Variants in FASTKD2 observed in about 807,000 individuals in gnomAD.
FASTKD2 encodes the protein FAST kinase domain-containing protein 2, mitochondrial.
Under a neutral mutation model 63.6 loss-of-function variants are expected in FASTKD2, and 51 were observed. The ratio of observed to expected loss-of-function variants is 0.80; its 90% confidence interval spans 0.64 to 1.01. The LOEUF (loss-of-function observed/expected upper bound fraction) is 1.01. FASTKD2 is among the 50% of genes least tolerant of loss of function. The probability of loss-of-function intolerance (pLI) is 0.00; values close to 1 mark genes in which losing one functional copy is unlikely to be tolerated. For missense variants in FASTKD2, 786 were observed against 831.1 expected, an observed-to-expected ratio of 0.95 and a Z score of 0.67; for synonymous variants, 284 against 293.4, an observed-to-expected ratio of 0.97 and a Z score of 0.33.
chr2:206,780,067 A>G (rs1309341066), intron 7 of FASTKD2, among the ~76,000 whole-genome samples: 1 of 152,188 alleles, frequency 6.6e-6, no homozygotes, highest in African/African-American at 2.4e-5. Flanking sequence ...ACATCTTTTT[A>G]TATTGTATAT....
chr2:206,771,100 G>A, intron 3 of FASTKD2, 82 bp from the exon 4 acceptor site: 1 of 815,744 alleles, frequency 1.2e-6, no homozygotes, highest in South Asian at 1.4e-5. Context: ...CTGTAAGAAG[G>A]GGCTGGACCA....
chr2:206,774,407 TG>T lies in FASTKD2; in HGVS notation c.1427+11del. The stretch of plus-strand genomic sequence containing the variant: ...AATGCCAGAACAAAGAGTATGTACT[TG>T]TTTTTTTTTACCTTTTTTATTGCCA... On this transcript the variant is annotated intron_variant, in intron 7 of 11. Transcript: ENST00000402774. 2.6e-6 allele frequency: 4 copies of T among 1,563,254 alleles called. No homozygotes were observed. The highest frequency in any genetic ancestry group is 3.5e-6 in the Non-Finnish European group (4 of 1,138,902).
chr2:206,789,840 A>C (rs1247068654), intron 10 of FASTKD2: 1 of 152,248 alleles, frequency 6.6e-6, no homozygotes, highest in Admixed American at 6.5e-5. Context: ...GTACTCCGCT[A>C]TTCTGGCATA....
chr2:206,777,052 A>G (rs1425329451), intron 7 of FASTKD2, among the ~76,000 whole-genome samples: 1 of 152,080 alleles, frequency 6.6e-6, no homozygotes. Flanking sequence ...TTTTGATACT[A>G]TTATAAACAA....
At chr2:206,786,934 G>A in intron 8 of FASTKD2, 35 bp downstream of exon 8, 1 of 995,124 alleles carries the variant, frequency 1.0e-6, no homozygotes, top group Non-Finnish European at 1.5e-6. Flanking sequence ...CACCAATTGT[G>A]ACCAATTCTG....
rs73070042 is a variant in FASTKD2 at position 206,769,141 on chromosome 2, G to C, written c.778-950G>C. Among the ~76,000 whole-genome samples, 783 of 152,342 alleles carry C rather than the reference G, an allele frequency of 5.1e-3. 5 individuals are homozygous for C. The highest frequency in any genetic ancestry group is 0.018 in the African/African-American group (740 of 41,572). ...TGTAAAGACATTTTAGAGGTGAAAG[G>C]ACAGTGTGCCATCAATGAATTTGCC... On this transcript the variant is annotated intron_variant, in intron 2 of 11. Transcript: ENST00000402774.
At chr2:206,771,412 A>G (rs577446214) in intron 4 of FASTKD2, 122 bp downstream of exon 4, 2 of 697,136 alleles carry the variant, frequency 2.9e-6, no homozygotes, top group African/African-American at 1.8e-5. Flanking sequence ...TAGCTTCACT[A>G]AAGTGAATGA....
chr2:206,787,141 A>G (rs1690158729), intron 8 of FASTKD2, among the ~76,000 whole-genome samples: 1 of 152,178 alleles, frequency 6.6e-6, no homozygotes, highest in Non-Finnish European at 1.5e-5. Flanking sequence ...ATGCATCATT[A>G]TTCCTTTTAT....
At position 206,793,248 on chromosome 2, in the gene FASTKD2, A is replaced by AAAAAAAAAAAAAC. The variant is rs1259024642; in HGVS notation, c.*1449_*1450insAAAAAAAAACAAA. Among the ~76,000 whole-genome samples, 121 of 126,608 alleles carry AAAAAAAAAAAAAC rather than the reference A, an allele frequency of 9.6e-4. 5 individuals are homozygous for AAAAAAAAAAAAAC. The highest frequency in any genetic ancestry group is 1.3e-3 in the Non-Finnish European group (76 of 56,452). The allele number at this position is 126,608 out of a possible 152,430, so 83.1% of individuals were successfully genotyped here. The stretch of plus-strand genomic sequence containing the variant: ...AAAAAAAAAAAAAAAAAAAAAAAAA[A>AAAAAAAAAAAAAC]AAATACAAAAACTATAGCAATATGA... On this transcript the variant is annotated 3_prime_UTR_variant, in exon 12 of 12. Coordinates refer to ENST00000402774, the MANE Select transcript of FASTKD2 (RefSeq NM_001136193.2).
chr2:206,783,611 G>A (rs981176595), intron 7 of FASTKD2, among the ~76,000 whole-genome samples: 11 of 152,014 alleles, frequency 7.2e-5, no homozygotes, highest in Admixed American at 1.3e-4. Context: ...AGTACTGGGC[G>A]GGTAAGAGTT....
intron 7 of FASTKD2, among the ~76,000 whole-genome samples, chr2:206,782,980 G>A (rs921579914): frequency 2.0e-5 from 3 of 152,094 alleles, no homozygotes; most frequent in African/African-American, 4.8e-5. Context: ...CAGGCCATCT[G>A]TTTGCCATCA....
chr2:206,776,945 A>G (rs879665109), intron 7 of FASTKD2, among the ~76,000 whole-genome samples: 12 of 152,120 alleles, frequency 7.9e-5, no homozygotes, highest in Non-Finnish European at 1.6e-4. Flanking sequence ...CTGTCCTTCC[A>G]TTTATTTGTG....
At chr2:206,770,687 G>A (rs964023325) in intron 3 of FASTKD2, among the ~76,000 whole-genome samples, 10 of 145,828 alleles carry the variant, frequency 6.9e-5, no homozygotes, top group African/African-American at 2.1e-4. Context: ...CTGAGATCGC[G>A]CCACTGCACT....
intron 7 of FASTKD2, 91 bp downstream of exon 7, chr2:206,774,488 A>T: frequency 1.2e-6 from 1 of 826,350 alleles, no homozygotes; most frequent in Non-Finnish European, 2.0e-6. Flanking sequence ...TTACAAGTGA[A>T]CACACCCATA....
chr2:206,788,570 C>G (rs1690196743), intron 9 of FASTKD2, among the ~76,000 whole-genome samples: 1 of 151,188 alleles, frequency 6.6e-6, no homozygotes, highest in Non-Finnish European at 1.5e-5. Context: ...CTGTCTCTAC[C>G]AAAAAAATAC....
intron 9 of FASTKD2, 51 bp downstream of exon 9, chr2:206,788,206 T>C (rs1690187498): frequency 7.5e-7 from 1 of 1,337,094 alleles, no homozygotes; most frequent in Non-Finnish European, 1.0e-6. Flanking sequence ...TATTTTCCTT[T>C]TTTTCTGACC....
chr2:206,773,796 G>A lies in FASTKD2; in HGVS notation c.1255-429G>A, dbSNP rs183987823. The stretch of plus-strand genomic sequence containing the variant: ...TATGAATATTAAATATAGAAATTTT[G>A]GGGTTATGTCTTACATGTTAGAATC... On this transcript the variant is annotated intron_variant, in intron 6 of 11. Transcript: ENST00000402774. 5.0e-3 allele frequency among the ~76,000 whole-genome samples: 767 copies of A among 152,216 alleles called. 6 individuals are homozygous for A. The highest frequency in any genetic ancestry group is 0.014 in the Middle Eastern group (4 of 294).
At chr2:206,775,589 G>T (rs1265347664) in intron 7 of FASTKD2, among the ~76,000 whole-genome samples, 5 of 150,506 alleles carry the variant, frequency 3.3e-5, no homozygotes, top group East Asian at 3.9e-4. Flanking sequence ...TGTTTTTTTT[G>T]ATGTGTCTTT....
intron 2 of FASTKD2, among the ~76,000 whole-genome samples, chr2:206,768,746 A>T (rs1008777252): frequency 3.3e-5 from 5 of 152,200 alleles, no homozygotes; most frequent in African/African-American, 9.7e-5. Context: ...CCTTGGGGAT[A>T]ATCTGGCATA....
Sources: allele counts gnomAD v4.1 joint callset (sites outside exome capture counted in the v4.1 genomes callset), GRCh38; gene constraint gnomAD v4.1.1; transcripts MANE v1.5; gene names NCBI Gene and HGNC (gene_info 2026-07-23, HGNC 2026-07-21).